Variants in INPP5F observed in about 807,000 individuals in gnomAD.
INPP5F encodes the protein phosphatidylinositide 4-phosphatase SAC2.
Under a neutral mutation model 137.2 loss-of-function variants are expected in INPP5F, and 97 were observed. That is an observed-to-expected ratio of 0.71 (90% CI 0.60 to 0.84). The LOEUF (loss-of-function observed/expected upper bound fraction) is 0.84, where lower values mean the gene tolerates loss of function less well. Among genes scored for constraint, INPP5F ranks in the 40% least tolerant of loss-of-function variants. The pLI is 0.00. For missense variants in INPP5F, 1,271 were observed against 1,371.9 expected (o/e 0.93, Z 1.16); for synonymous variants, 504 against 476.9 (o/e 1.06, Z -0.74).
intron 9 of INPP5F, among the ~76,000 whole-genome samples, chr10:119,802,805 A>T (rs896635723): frequency 3.3e-5 from 5 of 152,118 alleles, no homozygotes; most frequent in African/African-American, 7.2e-5. Flanking sequence ...CAGGTTTTTT[A>T]AAAAAAATTG....
chr10:119,795,571 A>G (rs913860954), intron 6 of INPP5F, among the ~76,000 whole-genome samples: 1 of 150,122 alleles, frequency 6.7e-6, no homozygotes, highest in Non-Finnish European at 1.5e-5. Flanking sequence ...GCGGCCGGGC[A>G]GAGACGCTCC....
intron 9 of INPP5F, among the ~76,000 whole-genome samples, chr10:119,800,230 A>G (rs1850533185): frequency 6.6e-6 from 1 of 152,054 alleles, no homozygotes; most frequent in Non-Finnish European, 1.5e-5. Context: ...TTTTCAGTGT[A>G]TGTATGACAA....
At chr10:119,812,151 T>C (rs1039705898) in intron 15 of INPP5F, among the ~76,000 whole-genome samples, 196 bp downstream of exon 15, 1 of 152,174 alleles carries the variant, frequency 6.6e-6, no homozygotes, top group Admixed American at 6.5e-5. Context: ...TCTAAAAACT[T>C]GGTAATGAAG....
chr10:119,769,278 G>A (rs917481721), intron 2 of INPP5F, among the ~76,000 whole-genome samples: 5 of 152,080 alleles, frequency 3.3e-5, no homozygotes, highest in African/African-American at 1.2e-4. Flanking sequence ...TAGGGAGTCG[G>A]TTAATTTTAA....
At chr10:119,729,634 T>C (rs1156972640) in intron 1 of INPP5F, among the ~76,000 whole-genome samples, 2 of 151,524 alleles carry the variant, frequency 1.3e-5, no homozygotes, top group Non-Finnish European at 2.9e-5. Flanking sequence ...TGGAGTGCAG[T>C]GGCGTGATCA....
In INPP5F at chr10:119,745,949, G is replaced by A. The variant is rs376493541; in HGVS notation, c.98-5127G>A. ...TGAACTCCTGACCTGTGATCCGCCC[G>A]CCTTGGCCTCCCAAAGTGCTGGGAT... On this transcript the variant is annotated intron_variant, in intron 1 of 19. Transcript: ENST00000650623. 2.0e-4 allele frequency among the ~76,000 whole-genome samples: 30 copies of A among 152,088 alleles called. No individual in the cohort carries two copies. The South Asian group carries it at 5.0e-3, about 25-fold the overall frequency.
chr10:119,756,174 AAAC>A (rs917343564), intron 2 of INPP5F, among the ~76,000 whole-genome samples: 2 of 151,842 alleles, frequency 1.3e-5, no homozygotes, highest in African/African-American at 4.8e-5. Flanking sequence ...AAACAAAACA[AAAC>A]AAAAATTCAA....
intron 3 of INPP5F, among the ~76,000 whole-genome samples, chr10:119,786,433 G>GT (rs1387993161): frequency 2.0e-5 from 3 of 152,282 alleles, no homozygotes; most frequent in South Asian, 2.1e-4. Flanking sequence ...CTCTATCCCT[G>GT]TTTTTTGTCA....
chr10:119,775,437 G>T (rs575604498), intron 2 of INPP5F, among the ~76,000 whole-genome samples: 30 of 151,684 alleles, frequency 2.0e-4, no homozygotes, highest in Middle Eastern at 6.8e-3. Context: ...TTTTTAAATG[G>T]TTTTTTTTGT....
At chr10:119,788,101 T>A (rs1441326025) in intron 3 of INPP5F, among the ~76,000 whole-genome samples, 1 of 152,102 alleles carries the variant, frequency 6.6e-6, no homozygotes, top group Non-Finnish European at 1.5e-5. Flanking sequence ...GATTCCAAGG[T>A]TTCTTGCTTA....
Position 119,726,319 on chromosome 10 carries a change from G to T in INPP5F, c.57G>T (p.Leu19=). 6.8e-7 allele frequency: 1 copy of T among 1,478,776 alleles called. No individual in the cohort carries two copies. The allele number at this position is 1,478,776 out of a possible 1,614,324, so 91.6% of individuals were successfully genotyped here. ...TCCTGCAGCAGGGCGAGCGCGCGCT[G>T]TGGTGCAGCCGCCGCGACGGCGGCC... is the stretch of plus-strand genomic sequence containing the variant. The part of the protein sequence containing the change: ...HYILQQGERA[L]WCSRRDGGLQ... The change falls in exon 1 of 20, where the codon CTG becomes CTT. Residue 19 remains leucine (L), a synonymous_variant. Transcript: ENST00000650623.
chr10:119,773,616 G>A (rs546052785), intron 2 of INPP5F, among the ~76,000 whole-genome samples: 4 of 152,062 alleles, frequency 2.6e-5, no homozygotes, highest in East Asian at 1.9e-4. Context: ...TACATAGGTC[G>A]TGTCTGGCTT....
chr10:119,745,331 T>C (rs1006476079), intron 1 of INPP5F, among the ~76,000 whole-genome samples: 2 of 152,000 alleles, frequency 1.3e-5, no homozygotes, highest in African/African-American at 4.8e-5. Context: ...TTTTTGTTTT[T>C]AAATCTTTTT....
intron 1 of INPP5F, among the ~76,000 whole-genome samples, chr10:119,745,998 G>A (rs555013198): frequency 1.8e-4 from 27 of 152,216 alleles, no homozygotes; most frequent in African/African-American, 5.8e-4. Flanking sequence ...CACCGTGCCC[G>A]ACCAGGCTCA....
intron 1 of INPP5F, among the ~76,000 whole-genome samples, chr10:119,736,491 G>C (rs1564799460): frequency 6.6e-6 from 1 of 152,138 alleles, no homozygotes; most frequent in Non-Finnish European, 1.5e-5. Context: ...AAATGTGTAG[G>C]TTTCCTGTAC....
rs546196006 is a variant in INPP5F at position 119,765,428 on chromosome 10, G to C, written c.178+14272G>C. Among the ~76,000 whole-genome samples, 5 of 152,114 alleles carry C rather than the reference G, an allele frequency of 3.3e-5. 1 individual carries two copies. Among genetic ancestry groups the C allele is most frequent in the African/African-American group, 1.2e-4 (5 of 41,492 alleles). ...GCTTTGTCACACAGGCTGGAGTGAAGTGGCGTGATCTCAGCTCACTACAGC... is the reference window on the plus strand; with the variant it reads ...GCTTTGTCACACAGGCTGGAGTGAACTGGCGTGATCTCAGCTCACTACAGC... On this transcript the variant is annotated intron_variant, in intron 2 of 19. Coordinates refer to ENST00000650623, the MANE Select transcript of INPP5F (RefSeq NM_014937.4).
Position 119,726,273 on chromosome 10 carries a change from T to C in INPP5F, c.11T>C (p.Phe4Ser). 6.7e-7 allele frequency: 1 copy of C among 1,484,240 alleles called. No homozygotes were observed. Among genetic ancestry groups the C allele is most frequent in the Non-Finnish European group, 9.0e-7 (1 of 1,116,970 alleles). The allele number at this position is 1,484,240 out of a possible 1,614,324, so 91.9% of individuals were successfully genotyped here. The change falls in exon 1 of 20, where the codon TTC (phenylalanine) becomes TCC (serine). Residue 4 changes from phenylalanine (F) to serine (S), a missense_variant. Phe to Ser is a radical substitution (Grantham distance 155). Transcript: ENST00000650623. ...GCGCGCGGGGCCAGCATGGAGCTCT[T>C]CCAAGCCAAGGACCACTACATCCTG... MEL[F>S]QAKDHYILQQ...
At chr10:119,750,241 T>A (rs752948364) in intron 1 of INPP5F, among the ~76,000 whole-genome samples, 19 of 152,392 alleles carry the variant, frequency 1.2e-4, no homozygotes, top group Admixed American at 3.3e-4. Flanking sequence ...ATGATAATAA[T>A]GAAAATGTAA....
chr10:119,765,656 A>G (rs978594725), intron 2 of INPP5F, among the ~76,000 whole-genome samples: 13 of 148,472 alleles, frequency 8.8e-5, no homozygotes, highest in Non-Finnish European at 1.9e-4. Flanking sequence ...TGCTGGGATT[A>G]CGGGTGTGAG....
Sources: gnomAD v4.1 joint callset for allele counts (sites outside exome capture counted in the v4.1 genomes callset) on GRCh38, gnomAD v4.1.1 for gene constraint, MANE v1.5 for transcripts, NCBI Gene and HGNC (gene_info 2026-07-23, HGNC 2026-07-21) for gene names.